APTX: variants seen among roughly 807,000 people sequenced by gnomAD.
The protein encoded by APTX is aprataxin.
In APTX, 33 loss-of-function variants were observed where a neutral mutation model predicts 42.3. The ratio of observed to expected loss-of-function variants is 0.78; its 90% CI spans 0.59 to 1.04. The LOEUF is 1.04. Among genes scored for constraint, APTX ranks in the 50% least tolerant of loss-of-function variants. The pLI is 0.00. For missense variants in APTX, 421 were observed against 415.1 expected, an observed-to-expected ratio of 1.01 and a Z score of -0.12; for synonymous variants, 130 against 146.7, an observed-to-expected ratio of 0.89 and a Z score of 0.82.
At chr9:33,003,212 A>C (rs887694469), upstream of APTX, among the ~76,000 whole-genome samples, 1 of 152,188 alleles carries the variant, frequency 6.6e-6, no homozygotes, top group African/African-American at 2.4e-5. Context: ...AATGTGCAAA[A>C]TTGGGCAGAG....
At chr9:33,001,518 G>A (rs1483579220) in intron 1 of APTX, 49 bp downstream of exon 1, 35 of 1,612,512 alleles carry the variant, frequency 2.2e-5, no homozygotes, top group Non-Finnish European at 2.9e-5. Flanking sequence ...ACGCTCACCC[G>A]CGGCATTGAG....
At chr9:33,015,422 C>T (rs1192474947) in intron 1 of APTX, among the ~76,000 whole-genome samples, 2 of 152,114 alleles carry the variant, frequency 1.3e-5, no homozygotes, top group Non-Finnish European at 2.9e-5. Context: ...TGCAATGGCG[C>T]GATCTCAGCT....
intron 1 of APTX, among the ~76,000 whole-genome samples, chr9:33,010,765 T>C (rs539296758): frequency 1.3e-5 from 2 of 149,236 alleles, no homozygotes; most frequent in South Asian, 4.2e-4. Context: ...ACAGTCTAAA[T>C]GGGTGAGGCA....
rs1231857883 is a variant in APTX, at chr9:32,973,086, G to C, written c.*412C>G. The C allele has an allele frequency of 1.8e-5, 8 of 455,800 alleles. No individual in the cohort carries two copies. Among genetic ancestry groups the C allele is most frequent in the Admixed American group, 1.2e-4 (5 of 42,602 alleles). The allele number at this position is 455,800 out of a possible 1,614,324, so 28.2% of individuals were successfully genotyped here. A position where few individuals can be genotyped will look rare whatever the true frequency, so the allele number is the denominator to read the frequency against. ...CCATCAGTATCTTCAGGATAAACAA[G>C]AGGCCACTCTAGATGCTCTGATTAA... On this transcript the variant is annotated 3_prime_UTR_variant, in exon 8 of 8. Transcript: ENST00000379817.
chr9:32,997,437 G>A (rs1835208208), intron 1 of APTX: 1 of 152,244 alleles, frequency 6.6e-6, no homozygotes, highest in Non-Finnish European at 1.5e-5. Context: ...GAAGCACAAT[G>A]CTAGAGTACC....
intron 1 of APTX, among the ~76,000 whole-genome samples, chr9:33,022,923 C>A: frequency 6.6e-6 from 1 of 152,224 alleles, no homozygotes; most frequent in Non-Finnish European, 1.5e-5. Context: ...CTCACTGCAG[C>A]CTTGACCTCC....
At position 33,009,140 on chromosome 9, in the gene APTX, T is replaced by C. The variant is rs78443827; in HGVS notation, c.-5+15883A>G. Among the ~76,000 whole-genome samples the C allele has an allele frequency of 5.3e-3, 804 of 152,344 alleles. 8 individuals are homozygous for C. The highest frequency in any genetic ancestry group is 0.018 in the African/African-American group (755 of 41,580). On this transcript the variant is annotated intron_variant, in intron 1 of 6. Transcript: ENST00000436040. Reference sequence around the variant, plus strand: ...TAATTTTTAAGAGTTTAGGAGATGATTACTGTAATCCCAAGCACTGACATT... The same window carrying C: ...TAATTTTTAAGAGTTTAGGAGATGACTACTGTAATCCCAAGCACTGACATT...
chr9:32,981,432 G>A (rs895830374), intron 6 of APTX, among the ~76,000 whole-genome samples: 1 of 152,178 alleles, frequency 6.6e-6, no homozygotes, highest in East Asian at 1.9e-4. Context: ...ATGTGTGTGT[G>A]TGTGTATGGC....
intron 6 of APTX, among the ~76,000 whole-genome samples, chr9:32,979,291 A>AT (rs1164405647): frequency 6.6e-6 from 1 of 152,012 alleles, no homozygotes; most frequent in African/African-American, 2.4e-5. Context: ...AACATGTGGT[A>AT]TTTGGTTTTC....
At chr9:32,995,348 A>C (rs1352614681) in intron 1 of APTX, among the ~76,000 whole-genome samples, 1 of 152,230 alleles carries the variant, frequency 6.6e-6, no homozygotes, top group Non-Finnish European at 1.5e-5. Context: ...GGAGTTTGGA[A>C]AAAGTTGATT....
At chr9:33,006,509 C>T (rs1432433654), upstream of APTX, among the ~76,000 whole-genome samples, 1 of 152,076 alleles carries the variant, frequency 6.6e-6, no homozygotes, top group African/African-American at 2.4e-5. Flanking sequence ...AGAGTACCTA[C>T]CTGATCTAAG....
At chr9:33,012,820 G>C (rs1489250734) in intron 1 of APTX, among the ~76,000 whole-genome samples, 2 of 152,164 alleles carry the variant, frequency 1.3e-5, no homozygotes. Context: ...TAGATAACCA[G>C]AACACTCCCT....
At chr9:33,003,190 C>T (rs374990624), upstream of APTX, among the ~76,000 whole-genome samples, 103 of 152,312 alleles carry the variant, frequency 6.8e-4, no homozygotes, top group African/African-American at 2.4e-3. Context: ...CTAATTACAT[C>T]ATTCACTATA....
At position 32,987,508 on chromosome 9, in the gene APTX, C is replaced by T. The variant is rs778659734; in HGVS notation, c.483+36G>A. ...ATTAAGCAGTCATTATATTTCATTT[C>T]TTCTCCACATCATCTACCAATCACA... On this transcript the variant is annotated intron_variant, in intron 4 of 7. Transcript: ENST00000379817. The T allele has an allele frequency of 1.2e-5, 20 of 1,611,144 alleles. No individual in the cohort carries two copies. In the South Asian group the frequency reaches 2.2e-4, roughly 18 times the overall value.
Position 32,973,332 on chromosome 9 carries a change from A to T in APTX, c.*166T>A. On this transcript the variant is annotated 3_prime_UTR_variant, in exon 8 of 8. Transcript: ENST00000379817. ...AAACCCAAATTCCTAATCCTGAAGT[A>T]CTTTGAGCCACTCTACATTGTGGCC... is the stretch of plus-strand genomic sequence containing the variant. The T allele has an allele frequency of 1.2e-6, 1 of 818,486 alleles. No homozygotes were observed. The highest frequency in any genetic ancestry group is 2.0e-6 in the Non-Finnish European group (1 of 492,418). 50.7% of individuals were successfully genotyped at this position (818,486 alleles called of 1,614,324 possible).
At chr9:33,010,082 G>T (rs569709416) in intron 1 of APTX, among the ~76,000 whole-genome samples, 1 of 152,198 alleles carries the variant, frequency 6.6e-6, no homozygotes, top group Non-Finnish European at 1.5e-5. Flanking sequence ...AGACTGATGG[G>T]GCTGCCTTCT....
intron 1 of APTX, among the ~76,000 whole-genome samples, chr9:32,992,158 T>C (rs1833798294): frequency 6.6e-6 from 1 of 152,148 alleles, no homozygotes; most frequent in South Asian, 2.1e-4. Context: ...GCCTCTAACA[T>C]GCCTCTCCCG....
intron 1 of APTX, among the ~76,000 whole-genome samples, chr9:33,021,274 G>A (rs1470057540): frequency 6.6e-6 from 1 of 151,904 alleles, no homozygotes; most frequent in African/African-American, 2.4e-5. Flanking sequence ...AAAAAATGAA[G>A]AAAATAAATA....
intron 1 of APTX, among the ~76,000 whole-genome samples, chr9:33,000,625 CAAAAAAAAA>C (rs60760701): frequency 3.2e-5 from 2 of 63,454 alleles, no homozygotes; most frequent in African/African-American, 1.2e-4. Context: ...GACTCTGTCT[CAAAAAAAAA>C]AAAAAAAAAA....
Sources: gnomAD v4.1 joint callset for allele counts (sites outside exome capture counted in the v4.1 genomes callset) on GRCh38, gnomAD v4.1.1 for gene constraint, MANE v1.5 for transcripts, NCBI Gene and HGNC (gene_info 2026-07-23, HGNC 2026-07-21) for gene names.